The following MPZL3 variants were observed in gnomAD, a reference collection of about 807,000 sequenced individuals.
MPZL3 encodes myelin protein zero-like protein 3.
Under a neutral mutation model 24.8 loss-of-function variants are expected in MPZL3, and 23 were observed. The observed-to-expected ratio is 0.93, with a 90% CI of 0.67 to 1.31. MPZL3 has a LOEUF of 1.31. Among genes scored for constraint, MPZL3 ranks in the 40% most tolerant of loss-of-function variants. The pLI, the probability that MPZL3 is intolerant of heterozygous loss-of-function variation, is 0.00. For missense variants in MPZL3, 277 were observed against 294.9 expected (o/e 0.94, Z 0.44); for synonymous variants, 99 against 106.5 (o/e 0.93, Z 0.44).
chr11:118,237,349 G>A (rs528851591), intron 2 of MPZL3, 89 bp from the exon 3 acceptor site: 2 of 1,155,368 alleles, frequency 1.7e-6, no homozygotes, highest in Admixed American at 2.1e-5. Context: ...AAATACAACT[G>A]TATAATGGTG....
At chr11:118,231,211 T>C (rs547160544) in intron 5 of MPZL3, among the ~76,000 whole-genome samples, 2 of 152,288 alleles carry the variant, frequency 1.3e-5, no homozygotes, top group East Asian at 3.9e-4. Context: ...AATAATCAAT[T>C]ATCAGCTCTC....
chr11:118,245,866 T>G (rs1949551184), intron 1 of MPZL3, among the ~76,000 whole-genome samples: 1 of 152,224 alleles, frequency 6.6e-6, no homozygotes, highest in Admixed American at 6.5e-5. Context: ...CATTTGTTGA[T>G]GTATTATCTG....
intron 1 of MPZL3, among the ~76,000 whole-genome samples, chr11:118,250,644 G>A (rs142547192): frequency 1.3e-5 from 2 of 152,196 alleles, no homozygotes; most frequent in African/African-American, 4.8e-5. Context: ...GCAATGGCGA[G>A]ATCTCAGCTC....
intron 1 of MPZL3, among the ~76,000 whole-genome samples, chr11:118,242,998 C>CT (rs1403259909): frequency 6.6e-6 from 1 of 152,220 alleles, no homozygotes; most frequent in African/African-American, 2.4e-5. Flanking sequence ...TTCCTATCAC[C>CT]TTTTTTATAG....
rs761251531 is a variant in MPZL3 at position 118,252,277 on chromosome 11, T to C, written c.18A>G (p.Ala6=). The C allele has an allele frequency of 1.2e-6, 2 of 1,614,040 alleles. No individual in the cohort carries two copies. Among genetic ancestry groups the C allele is most frequent in the Admixed American group, 1.7e-5 (1 of 60,032 alleles). MQQRG[A]AGSRGCALFP... ...AGAGAGCGCAGCCACGGCTTCCAGC[T>C]GCTCCTCTCTGCTGCATCCCGGCAG... The change falls in exon 1 of 6, where the codon GCA becomes GCG. Residue 6 remains alanine (A), a synonymous_variant. Transcript: ENST00000278949.
chr11:118,239,757 A>G (rs1949470036), intron 2 of MPZL3, among the ~76,000 whole-genome samples: 1 of 152,228 alleles, frequency 6.6e-6, no homozygotes, highest in African/African-American at 2.4e-5. Flanking sequence ...AAGTGCCAAG[A>G]TAACTCCACA....
intron 4 of MPZL3, among the ~76,000 whole-genome samples, chr11:118,234,960 C>G (rs556940836): frequency 6.6e-6 from 1 of 152,264 alleles, no homozygotes; most frequent in African/African-American, 2.4e-5. Context: ...TGTAGCCCCT[C>G]CCTTCAGAAT....
chr11:118,241,715 C>T (rs1949501629), intron 1 of MPZL3, among the ~76,000 whole-genome samples: 1 of 152,208 alleles, frequency 6.6e-6, no homozygotes, highest in Admixed American at 6.5e-5. Flanking sequence ...AGTTCCACTG[C>T]CTCTACCTCT....
chr11:118,242,527 C>T (rs570327033), intron 1 of MPZL3, among the ~76,000 whole-genome samples: 20 of 152,308 alleles, frequency 1.3e-4, no homozygotes, highest in Admixed American at 1.3e-4. Flanking sequence ...ATCCCATCTA[C>T]CTTCCCAATC....
chr11:118,251,135 G>A (rs970663089), intron 1 of MPZL3, among the ~76,000 whole-genome samples: 2 of 150,664 alleles, frequency 1.3e-5, no homozygotes, highest in South Asian at 4.2e-4. Flanking sequence ...GAGAGAGAGA[G>A]GACTGGGTTT....
Position 118,229,721 on chromosome 11 carries a change from C to A in MPZL3, c.*173G>T. 1 of 563,272 alleles carries A rather than the reference C, an allele frequency of 1.8e-6. No homozygotes were observed. The highest frequency in any genetic ancestry group is 2.5e-5 in the South Asian group (1 of 40,160). 34.9% of individuals were successfully genotyped at this position (563,272 alleles called of 1,614,324 possible). A position where few individuals can be genotyped will look rare whatever the true frequency, so the allele number is the denominator to read the frequency against. The stretch of plus-strand genomic sequence containing the variant: ...GTTCCTGAACAGTTTATAAATACAA[C>A]AAGAACATTTATTCAATAAATAAGT... On this transcript the variant is annotated 3_prime_UTR_variant, in exon 6 of 6. Transcript: ENST00000278949.
chr11:118,246,585 C>CTTTTTTTTTTTTTTTTTTT, intron 1 of MPZL3, among the ~76,000 whole-genome samples: 1 of 123,282 alleles, frequency 8.1e-6, no homozygotes, highest in Non-Finnish European at 1.6e-5. Context: ...TTTTTCTTTT[C>CTTTTTTTTTTTTTTTTTTT]TTTTTTTTTT....
intron 2 of MPZL3, among the ~76,000 whole-genome samples, chr11:118,239,318 C>T (rs1307611001): frequency 6.6e-6 from 1 of 152,212 alleles, no homozygotes; most frequent in Non-Finnish European, 1.5e-5. Flanking sequence ...CCTACCTAGC[C>T]TCAAGCTATG....
At chr11:118,240,984 TCA>T (rs1949490654) in intron 1 of MPZL3, among the ~76,000 whole-genome samples, 1 of 152,166 alleles carries the variant, frequency 6.6e-6, no homozygotes, top group African/African-American at 2.4e-5. Flanking sequence ...GGCTGAGGAA[TCA>T]CACATCCATT....
At chr11:118,240,104 C>T in intron 2 of MPZL3, 107 bp downstream of exon 2, 3 of 1,094,084 alleles carry the variant, frequency 2.7e-6, no homozygotes, top group Non-Finnish European at 2.5e-6. Context: ...AAGTAGAAGC[C>T]CATCTTCTAC....
intron 1 of MPZL3, 97 bp downstream of exon 1, chr11:118,252,125 G>T: frequency 1.6e-6 from 2 of 1,221,924 alleles, no homozygotes; most frequent in African/African-American, 1.5e-5. Flanking sequence ...GAGCTATGCG[G>T]GGGCTTTCTG....
In MPZL3 at chr11:118,240,317, C is replaced by G. The variant is rs149565274; in HGVS notation, c.134G>C (p.Gly45Ala). 4.8e-4 allele frequency: 772 copies of G among 1,608,738 alleles called. No individual in the cohort carries two copies. The highest frequency in any genetic ancestry group is 6.0e-4 in the Non-Finnish European group (705 of 1,178,308). The change falls in exon 2 of 6, where the codon GGA (glycine) becomes GCA (alanine). Residue 45 changes from glycine (G) to alanine (A), a missense_variant. Gly to Ala is a moderately conservative substitution (Grantham distance 60). Coordinates refer to ENST00000278949, the MANE Select transcript of MPZL3 (RefSeq NM_198275.3). Reference sequence around the variant, plus strand: ...AGTGCATTTCAACTTGATCTTTTCTCCAACATAACCTCGGACATGGGCATC... The same window carrying G: ...AGTGCATTTCAACTTGATCTTTTCTGCAACATAACCTCGGACATGGGCATC... The part of the protein sequence containing the change: ...RADAHVRGYV[G>A]EKIKLKCTFK...
At chr11:118,230,605 A>C (rs1417999505) in intron 5 of MPZL3, among the ~76,000 whole-genome samples, 1 of 152,016 alleles carries the variant, frequency 6.6e-6, no homozygotes, top group Admixed American at 6.6e-5. Context: ...TAGTCTATTT[A>C]TTCTCCTTGA....
intron 2 of MPZL3, among the ~76,000 whole-genome samples, chr11:118,239,903 A>G (rs1279238648): frequency 6.6e-6 from 1 of 152,226 alleles, no homozygotes; most frequent in Non-Finnish European, 1.5e-5. Context: ...TACCCTTTTT[A>G]GTACATTAAA....
Sources: gnomAD v4.1 joint callset for allele counts (sites outside exome capture counted in the v4.1 genomes callset) on GRCh38, gnomAD v4.1.1 for gene constraint, MANE v1.5 for transcripts, NCBI Gene and HGNC (gene_info 2026-07-23, HGNC 2026-07-21) for gene names.